CDH4: variants seen among roughly 807,000 people sequenced by gnomAD.
CDH4 encodes cadherin-4.
A neutral mutation model predicts 86.0 loss-of-function variants in CDH4; 33 were observed. The observed-to-expected ratio is 0.38, with a 90% CI of 0.29 to 0.51. CDH4 has a LOEUF of 0.51. Ranked by LOEUF, CDH4 falls within the 20% of genes least tolerant of loss-of-function variation. CDH4 has a pLI of 0.86. For missense variants in CDH4, 1,114 were observed against 1,307.4 expected (o/e 0.85, Z 2.28); for synonymous variants, 555 against 549.4 (o/e 1.01, Z -0.14).
intron 2 of CDH4, among the ~76,000 whole-genome samples, chr20:61,484,224 CA>C (rs1475758780): frequency 1.3e-5 from 2 of 152,174 alleles, no homozygotes; most frequent in Admixed American, 1.3e-4. Context: ...CCCCTCAGAA[CA>C]AAAACTTGCC....
intron 2 of CDH4, among the ~76,000 whole-genome samples, chr20:61,273,165 TG>T (rs1191698135): frequency 3.6e-5 from 3 of 82,926 alleles, no homozygotes; most frequent in African/African-American, 9.9e-5. Flanking sequence ...GGGGGAGTAT[TG>T]GGGGAGTACC....
chr20:61,615,347 C>T (rs1280937619), intron 2 of CDH4, among the ~76,000 whole-genome samples: 1 of 151,050 alleles, frequency 6.6e-6, no homozygotes, highest in Non-Finnish European at 1.5e-5. Context: ...GTCTTGAACT[C>T]CTGACCTCTG....
At chr20:61,481,623 C>CA (rs1415815617) in intron 2 of CDH4, among the ~76,000 whole-genome samples, 1 of 152,078 alleles carries the variant, frequency 6.6e-6, no homozygotes, top group African/African-American at 2.4e-5. Flanking sequence ...TTTGAGGAAG[C>CA]AAAAAATGAT....
At chr20:61,576,024 A>T (rs1473947503) in intron 2 of CDH4, among the ~76,000 whole-genome samples, 1 of 152,106 alleles carries the variant, frequency 6.6e-6, no homozygotes, top group Non-Finnish European at 1.5e-5. Context: ...AGTAGGAGGA[A>T]AAGGGAGGGA....
At chr20:61,256,107 A>G (rs1369625972) in intron 2 of CDH4, among the ~76,000 whole-genome samples, 1 of 152,192 alleles carries the variant, frequency 6.6e-6, no homozygotes, top group African/African-American at 2.4e-5. Flanking sequence ...TGCACTGTGT[A>G]TGTCACTTTG....
chr20:61,295,845 C>T (rs1311106423), intron 2 of CDH4, among the ~76,000 whole-genome samples: 1 of 152,182 alleles, frequency 6.6e-6, no homozygotes, highest in African/African-American at 2.4e-5. Flanking sequence ...CAGGGTGTGT[C>T]CTGGGGTCCC....
chr20:61,451,954 T>G (rs1368123664), intron 2 of CDH4, among the ~76,000 whole-genome samples: 1 of 152,216 alleles, frequency 6.6e-6, no homozygotes, highest in Non-Finnish European at 1.5e-5. Context: ...GCCTAACACT[T>G]AACTTCACTT....
At chr20:61,758,905 G>T (rs754367868) in intron 3 of CDH4, among the ~76,000 whole-genome samples, 4 of 152,182 alleles carry the variant, frequency 2.6e-5, no homozygotes, top group Non-Finnish European at 5.9e-5. Flanking sequence ...CTCTCGACTA[G>T]AGCTGGTGTG....
intron 2 of CDH4, among the ~76,000 whole-genome samples, chr20:61,652,237 G>A (rs976928851): frequency 1.3e-5 from 2 of 152,188 alleles, no homozygotes; most frequent in African/African-American, 2.4e-5. Flanking sequence ...CAGTATCCAC[G>A]TGAAACTATG....
At chr20:61,307,678 T>TTC (rs2084424601) in intron 2 of CDH4, among the ~76,000 whole-genome samples, 1 of 152,206 alleles carries the variant, frequency 6.6e-6, no homozygotes, top group Admixed American at 6.5e-5. Flanking sequence ...TTGGGGAAAC[T>TTC]ACATCAGGAA....
At chr20:61,637,665 A>G (rs2086961307) in intron 2 of CDH4, among the ~76,000 whole-genome samples, 1 of 152,182 alleles carries the variant, frequency 6.6e-6, no homozygotes, top group South Asian at 2.1e-4. Flanking sequence ...CATCTAAACC[A>G]TATAAAATAT....
At chr20:61,786,953 T>C (rs1978912020) in intron 4 of CDH4, among the ~76,000 whole-genome samples, 1 of 152,240 alleles carries the variant, frequency 6.6e-6, no homozygotes, top group Non-Finnish European at 1.5e-5. Flanking sequence ...AGAGTATGTA[T>C]GTTGGGGCAA....
chr20:61,773,152 G>A lies in CDH4; in HGVS notation c.546G>A (p.Ser182=), dbSNP rs1003829832. ...CGCCCATCAACGTGCCCGAGAACTCGCGCGGGCCCTTCCCGCAGCAGCTCG... is the reference window on the plus strand; with the variant it reads ...CGCCCATCAACGTGCCCGAGAACTCACGCGGGCCCTTCCCGCAGCAGCTCG... ...VIPPINVPEN[S]RGPFPQQLVR... is the part of the protein sequence containing the mutation. Residue 182 remains serine (S), a synonymous_variant, in exon 4 of 16, where the codon TCG becomes TCA. Transcript: ENST00000614565. 2.5e-6 allele frequency: 4 copies of A among 1,593,344 alleles called. No individual in the cohort carries two copies. The highest frequency in any genetic ancestry group is 3.4e-6 in the Non-Finnish European group (4 of 1,170,226).
At chr20:61,897,101 G>A (rs1985164873) in intron 8 of CDH4, among the ~76,000 whole-genome samples, 1 of 152,208 alleles carries the variant, frequency 6.6e-6, no homozygotes, top group African/African-American at 2.4e-5. Flanking sequence ...TTTGACTCAA[G>A]GCAACTTAAA....
At chr20:61,419,215 C>T (rs963834501) in intron 2 of CDH4, among the ~76,000 whole-genome samples, 2 of 152,130 alleles carry the variant, frequency 1.3e-5, no homozygotes, top group African/African-American at 2.4e-5. Context: ...ACTCGTTCCC[C>T]GCAGCAGGTG....
chr20:61,634,312 C>G (rs576558787), intron 2 of CDH4, among the ~76,000 whole-genome samples: 2 of 152,162 alleles, frequency 1.3e-5, no homozygotes, highest in African/African-American at 2.4e-5. Context: ...CAGCACCTTC[C>G]GAGCCCCCAG....
At chr20:61,469,276 A>G (rs2085489398) in intron 2 of CDH4, among the ~76,000 whole-genome samples, 1 of 152,120 alleles carries the variant, frequency 6.6e-6, no homozygotes, top group Non-Finnish European at 1.5e-5. Context: ...ATGATATCTC[A>G]TTGTAGTTTA....
rs1023697800 is a variant in CDH4, at chr20:61,708,270, G to A, written c.170-35293G>A. ...CCAGCAGGGGGTTGACTTTTACCCC[G>A]AACCAGATGTACCAAGCACCCCGCT... On this transcript the variant is annotated intron_variant, in intron 2 of 15. Transcript: ENST00000614565. The surrounding 1 kb of genome is among the most constrained non-coding windows in gnomAD (Gnocchi z 4.5). Among the ~76,000 whole-genome samples the A allele has an allele frequency of 7.2e-5, 11 of 152,022 alleles. No homozygotes were observed. Among genetic ancestry groups the A allele is most frequent in the South Asian group, 2.1e-4 (1 of 4,810 alleles).
chr20:61,404,967 T>C (rs902820890), intron 2 of CDH4, among the ~76,000 whole-genome samples: 6 of 152,276 alleles, frequency 3.9e-5, no homozygotes, highest in African/African-American at 1.2e-4. Context: ...GGAGAACCGC[T>C]TGAACCTGGG....
Sources: allele counts gnomAD v4.1 joint callset (sites outside exome capture counted in the v4.1 genomes callset), GRCh38; gene constraint gnomAD v4.1.1; non-coding constraint Gnocchi (gnomAD v3.1); transcripts MANE v1.5; gene names NCBI Gene and HGNC (gene_info 2026-07-23, HGNC 2026-07-21).